Variants in MYO1C observed in about 807,000 individuals in gnomAD.
MYO1C encodes the protein myosin IC.
A neutral mutation model predicts 150.8 loss-of-function variants in MYO1C; 104 were observed. The ratio of observed to expected loss-of-function variants is 0.69; its 90% CI spans 0.59 to 0.81. MYO1C has a LOEUF of 0.81. Ranked by LOEUF, MYO1C falls within the 30% of genes least tolerant of loss-of-function variation. The probability of loss-of-function intolerance (pLI) is 0.00; values close to 1 mark genes in which losing one functional copy is unlikely to be tolerated. For synonymous variants in MYO1C, 663 were observed against 579.9 expected (o/e 1.14, Z -2.06); for missense variants, 1,504 against 1,435.0 (o/e 1.05, Z -0.78).
chr17:1,481,143 A>T, intron 5 of MYO1C: 1 of 526,468 alleles, frequency 1.9e-6, no homozygotes. Context: ...AACAGGCCTG[A>T]AGCTCAACAC....
At position 1,478,261 on chromosome 17, in the gene MYO1C, A is replaced by C. The variant is rs2074441590; in HGVS notation, c.1296-69T>G. The stretch of plus-strand genomic sequence containing the variant: ...AGGACCAGGAGAGGGGAAAAGCTGG[A>C]CGACGCCCCTGAGCACAGGAGGTGA... On this transcript the variant is annotated intron_variant, in intron 11 of 31. Coordinates refer to ENST00000648651, the MANE Select transcript of MYO1C (RefSeq NM_001080779.2). The surrounding 1 kb of genome is among the most constrained non-coding windows in gnomAD (Gnocchi z 6.3). 5 of 1,567,616 alleles carry C rather than the reference A, an allele frequency of 3.2e-6. No homozygotes were observed. Among genetic ancestry groups the C allele is most frequent in the Non-Finnish European group, 4.4e-6 (5 of 1,139,458 alleles).
At chr17:1,483,236 G>A (rs2074574258) in intron 3 of MYO1C, among the ~76,000 whole-genome samples, 177 bp from the exon 4 acceptor site, 2 of 152,066 alleles carry the variant, frequency 1.3e-5, no homozygotes, top group East Asian at 1.9e-4. Context: ...CTGAGAATGG[G>A]CGTCACCGCC....
Position 1,480,575 on chromosome 17 carries a change from G to C in MYO1C, c.858C>G (p.Val286=), listed in dbSNP as rs749196637. ...CAATGACTGTCAGAGCCTTCCTGAC[G>C]ACCTTCCAGTCACTCTTGTCGTTGA... ...SSINDKSDWK[V]VRKALTVIDF... The change falls in exon 7 of 32, where the codon GTC becomes GTG. Residue 286 remains valine (V), a synonymous_variant. Transcript: ENST00000648651. The C allele has an allele frequency of 2.5e-6, 4 of 1,614,006 alleles. No individual in the cohort carries two copies. The African/African-American group carries it at 4.0e-5, about 16-fold the overall frequency.
At chr17:1,476,989 C>G (rs1194300314) in intron 14 of MYO1C, among the ~76,000 whole-genome samples, 1 of 151,852 alleles carries the variant, frequency 6.6e-6, no homozygotes, top group Non-Finnish European at 1.5e-5. Flanking sequence ...TAGGCACCTG[C>G]CACCACACCC....
Position 1,474,901 on chromosome 17 carries a change from G to C in MYO1C, c.1669+37C>G. ...ACGTGAGGTGAGACAGAGCCTCCCC[G>C]CAGGCCCCTGTGGGGACACAGCCCC... is the stretch of plus-strand genomic sequence containing the variant. On this transcript the variant is annotated intron_variant, in intron 15 of 31. Coordinates refer to ENST00000648651, the MANE Select transcript of MYO1C (RefSeq NM_001080779.2). 3.1e-6 allele frequency: 5 copies of C among 1,611,440 alleles called. No homozygotes were observed. In the South Asian group the frequency reaches 5.5e-5, roughly 18 times the overall value.
rs1485431049 is a variant in MYO1C, at chr17:1,468,133, G to C, written c.2761-10C>G. The C allele has an allele frequency of 3.1e-6, 5 of 1,613,192 alleles. No individual in the cohort carries two copies. Among genetic ancestry groups the C allele is most frequent in the South Asian group, 1.1e-5 (1 of 91,084 alleles). On this transcript the variant is annotated splice_polypyrimidine_tract_variant and intron_variant, in intron 27 of 31. Coordinates refer to ENST00000648651, the MANE Select transcript of MYO1C (RefSeq NM_001080779.2). The stretch of plus-strand genomic sequence containing the variant: ...CAACAGGCACCGCATACTGGGGACA[G>C]AGGCCAGGCTGAAGGGGCTGGGGAG...
intron 1 of MYO1C, among the ~76,000 whole-genome samples, chr17:1,484,859 G>A (rs945357627): frequency 6.6e-6 from 1 of 152,058 alleles, no homozygotes; most frequent in African/African-American, 2.4e-5. Flanking sequence ...TGCAGGCAGG[G>A]TGGGGCCGTC....
At position 1,470,521 on chromosome 17, in the gene MYO1C, TGTC is replaced by T; in HGVS notation, c.2282-5_2282-3del. 1 of 1,553,774 alleles carries T rather than the reference TGTC, an allele frequency of 6.4e-7. No homozygotes were observed. The highest frequency in any genetic ancestry group is 1.9e-5 in the Admixed American group (1 of 51,602). ...GCCACCACGACTGGATGCAGATGGC[TGTC>T]GTGGAGACCACAGATGGCTGAACTC... On this transcript the variant is annotated splice_region_variant and splice_polypyrimidine_tract_variant and intron_variant, in intron 22 of 31. Transcript: ENST00000648651.
rs2074135781 is a variant in MYO1C, at chr17:1,464,706, G to A, written c.*1020C>T. ...TGTCTTCTGCTCTGTAACATCAAGGGGCTGGGCTGGATGATCTCTCAGCGT... is the reference window on the plus strand; with the variant it reads ...TGTCTTCTGCTCTGTAACATCAAGGAGCTGGGCTGGATGATCTCTCAGCGT... On this transcript the variant is annotated 3_prime_UTR_variant, in exon 32 of 32. Coordinates refer to ENST00000648651, the MANE Select transcript of MYO1C (RefSeq NM_001080779.2). The A allele has an allele frequency of 1.3e-5, 2 of 152,546 alleles. No individual in the cohort carries two copies. Among genetic ancestry groups the A allele is most frequent in the African/African-American group, 2.4e-5 (1 of 41,404 alleles). 9.4% of individuals were successfully genotyped at this position (152,546 alleles called of 1,614,324 possible).
In MYO1C at chr17:1,464,613, C is replaced by G. The variant is rs981255418; in HGVS notation, c.*1113G>C. ...GGCAGTGAGGCACGCTGAGGAAGGG[C>G]TGCCATCTTGGTTTTGTGGCAACCT... On this transcript the variant is annotated 3_prime_UTR_variant, in exon 32 of 32. Transcript: ENST00000648651. 4.6e-5 allele frequency: 7 copies of G among 152,764 alleles called. No individual in the cohort carries two copies. Among genetic ancestry groups the G allele is most frequent in the African/African-American group, 1.7e-4 (7 of 41,450 alleles). 9.5% of individuals were successfully genotyped at this position (152,764 alleles called of 1,614,324 possible).
chr17:1,467,071 T>G (rs1276074227), intron 31 of MYO1C, among the ~76,000 whole-genome samples, 171 bp downstream of exon 31: 4 of 152,206 alleles, frequency 2.6e-5, no homozygotes, highest in Admixed American at 2.6e-4. Flanking sequence ...TACAACTTTC[T>G]GCACTGAGGG....
At chr17:1,491,595 C>T (rs2074735522) in intron 1 of MYO1C, 1 of 980,694 alleles carries the variant, frequency 1.0e-6, no homozygotes, top group Non-Finnish European at 1.2e-6. Context: ...GCCCCGAGTA[C>T]CCACCGGCGT....
At chr17:1,486,451 C>T (rs1473159708) in intron 1 of MYO1C, among the ~76,000 whole-genome samples, 1 of 152,088 alleles carries the variant, frequency 6.6e-6, no homozygotes. Context: ...TTGGGGCCCA[C>T]AGCCTCTCCC....
chr17:1,470,285 C>A lies in MYO1C; in HGVS notation c.2416G>T (p.Ala806Ser), dbSNP rs376352401. 1.9e-6 allele frequency: 3 copies of A among 1,576,330 alleles called. No homozygotes were observed. The highest frequency in any genetic ancestry group is 2.6e-6 in the Non-Finnish European group (3 of 1,162,262). Residue 806 changes from alanine to serine, a missense_variant, in exon 24 of 32, where the codon GCC becomes TCC. Coordinates refer to ENST00000648651, the MANE Select transcript of MYO1C (RefSeq NM_001080779.2). ...GTGCGCACATGGTCCAGGAAGAAGGCGTTCTCGGGGCAGCGGGGGGCGTGG... is the reference window on the plus strand; with the variant it reads ...GTGCGCACATGGTCCAGGAAGAAGGAGTTCTCGGGGCAGCGGGGGGCGTGG... ...LRHAPRCPEN[A>S]FFLDHVRTSF...
In MYO1C at chr17:1,484,209, A is replaced by G. The variant is rs765357187; in HGVS notation, c.170T>C (p.Phe57Ser). The change falls in exon 2 of 32, where the codon TTC becomes TCC. Residue 57 changes from phenylalanine to serine, a missense_variant. Physicochemically the swap from Phe to Ser is radical, Grantham distance 155 (BLOSUM62 -2). Transcript: ENST00000648651. ...CTCGATGAAGGCGGCCTCGCTGGTG[A>G]AGTTCTCCAGCAGCACGAAATCCTG... Reference protein sequence around the residue: ...GVQDFVLLENFTSEAAFIENL... With the variant: ...GVQDFVLLENSTSEAAFIENL... The G allele has an allele frequency of 6.2e-7, 1 of 1,612,970 alleles. No individual in the cohort carries two copies. Among genetic ancestry groups the G allele is most frequent in the Admixed American group, 1.7e-5 (1 of 60,016 alleles).
chr17:1,479,416 A>C lies in MYO1C; in HGVS notation c.1092+15T>G. The C allele has an allele frequency of 2.4e-6, 3 of 1,245,910 alleles. No individual in the cohort carries two copies. The highest frequency in any genetic ancestry group is 3.4e-6 in the Non-Finnish European group (3 of 875,362). 77.2% of individuals were successfully genotyped at this position (1,245,910 alleles called of 1,614,324 possible). On this transcript the variant is annotated intron_variant, in intron 9 of 31. Coordinates refer to ENST00000648651, the MANE Select transcript of MYO1C (RefSeq NM_001080779.2). This position sits in a 1 kb window ranked among gnomAD's most constrained non-coding sequence, Gnocchi z 4.2. ...AGCTGCCCCTCCACACCCGAGGGCA[A>C]GGGCCCGGCCTCACCTCCTCCCCCT... is the stretch of plus-strand genomic sequence containing the variant.
Position 1,479,291 on chromosome 17 carries a change from C to A in MYO1C, c.1092+140G>T. The A allele has an allele frequency of 1.4e-6, 1 of 691,164 alleles. No individual in the cohort carries two copies. The highest frequency in any genetic ancestry group is 2.6e-6 in the Non-Finnish European group (1 of 390,356). 42.8% of individuals were successfully genotyped at this position (691,164 alleles called of 1,614,324 possible). A position where few individuals can be genotyped will look rare whatever the true frequency, so the allele number is the denominator to read the frequency against. On this transcript the variant is annotated intron_variant, in intron 9 of 31. Transcript: ENST00000648651. The surrounding 1 kb of genome is among the most constrained non-coding windows in gnomAD (Gnocchi z 4.2). ...TACAGGCGTGAGCCACGGCGCTCGG[C>A]TCTCACTCTGCTTCTCTGAGCAGCC...
intron 5 of MYO1C, chr17:1,481,154 C>T (rs374549206): frequency 3.8e-5 from 19 of 499,212 alleles, no homozygotes; most frequent in East Asian, 1.5e-4. Context: ...AGCTCAACAC[C>T]GGACCTTCTC....
Position 1,482,965 on chromosome 17 carries a change from C to T in MYO1C, c.442G>A (p.Glu148Lys), listed in dbSNP as rs765640286. The T allele has an allele frequency of 9.9e-6, 16 of 1,612,170 alleles. No individual in the cohort carries two copies. Among genetic ancestry groups the T allele is most frequent in the Non-Finnish European group, 1.3e-5 (15 of 1,179,844 alleles). The change falls in exon 4 of 32, where the codon GAG (glutamate) becomes AAG (lysine). Residue 148 changes from glutamate (E) to lysine (K), a missense_variant. Physicochemically the swap from Glu to Lys is moderately conservative, Grantham distance 56. Coordinates refer to ENST00000648651, the MANE Select transcript of MYO1C (RefSeq NM_001080779.2). ...ISGESGAGKT[E>K]ATKRLLQFYA... ...AACTGCAGCAGCCTCTTGGTGGCCT[C>T]GGTCTTGCCTGCCCCGCTCTCCCCA...
Sources: gnomAD v4.1 joint callset for allele counts (sites outside exome capture counted in the v4.1 genomes callset) on GRCh38, gnomAD v4.1.1 for gene constraint, Gnocchi (gnomAD v3.1) non-coding constraint, MANE v1.5 for transcripts, NCBI Gene and HGNC (gene_info 2026-07-23, HGNC 2026-07-21) for gene names.